The following POLR2F variants were observed in gnomAD, a reference collection of about 807,000 sequenced individuals.
POLR2F encodes RNA polymerase II, I and III subunit F.
POLR2F carries 12 observed loss-of-function variants against 22.7 expected under a neutral mutation model. The ratio of observed to expected loss-of-function variants is 0.53; its 90% CI spans 0.34 to 0.86. The LOEUF is 0.86. Among genes scored for constraint, POLR2F ranks in the 40% least tolerant of loss-of-function variants. POLR2F has a pLI of 0.02. For synonymous variants in POLR2F, 57 were observed against 66.0 expected (o/e 0.86, Z 0.66); for missense variants, 126 against 171.5 (o/e 0.73, Z 1.48).
At chr22:37,995,206 C>T (rs953794652) in intron 1 of POLR2F, among the ~76,000 whole-genome samples, 1 of 152,210 alleles carries the variant, frequency 6.6e-6, no homozygotes, top group African/African-American at 2.4e-5. Context: ...TAGGGCTCTA[C>T]TGAGACAGGC....
chr22:38,025,837 A>T (rs760569518), intron 1 of POLR2F: 1 of 1,287,200 alleles, frequency 7.8e-7, no homozygotes, highest in Non-Finnish European at 1.1e-6. Context: ...CTATGTATGA[A>T]ACTCACTTCA....
At chr22:38,006,138 G>A (rs750072874) in intron 1 of POLR2F, among the ~76,000 whole-genome samples, 7 of 152,092 alleles carry the variant, frequency 4.6e-5, no homozygotes, top group African/African-American at 2.4e-5. Context: ...AACCCAGGAG[G>A]TAGAGGCTGC....
chr22:37,960,880 G>A (rs1157599203), intron 3 of POLR2F, among the ~76,000 whole-genome samples: 3 of 136,706 alleles, frequency 2.2e-5, no homozygotes, highest in South Asian at 2.3e-4. Flanking sequence ...ATGGAGTCTC[G>A]CTCTGTCGCC....
At chr22:37,989,982 C>G (rs899151954) in intron 1 of POLR2F, among the ~76,000 whole-genome samples, 1 of 152,218 alleles carries the variant, frequency 6.6e-6, no homozygotes, top group Non-Finnish European at 1.5e-5. Flanking sequence ...TTCCCTATGA[C>G]TTTCCCTCAG....
intron 1 of POLR2F, among the ~76,000 whole-genome samples, chr22:38,014,704 C>T (rs1395167796): frequency 2.0e-5 from 3 of 151,562 alleles, no homozygotes; most frequent in East Asian, 1.9e-4. Flanking sequence ...AGGATGGTCT[C>T]AATCTCTTGA....
Position 37,978,160 on chromosome 22 carries a change from G to A in POLR2F, c.293+10990G>A. 1.8e-5 allele frequency: 28 copies of A among 1,519,222 alleles called. No homozygotes were observed. Among genetic ancestry groups the A allele is most frequent in the Non-Finnish European group, 2.5e-5 (28 of 1,134,182 alleles). The allele number at this position is 1,519,222 out of a possible 1,614,324, so 94.1% of individuals were successfully genotyped here. A position where few individuals can be genotyped will look rare whatever the true frequency, so the allele number is the denominator to read the frequency against. On this transcript the variant is annotated intron_variant, in intron 4 of 4. Coordinates refer to the POLR2F transcript ENST00000405557. The surrounding 1 kb of genome is among the most constrained non-coding windows in gnomAD (Gnocchi z 5.0). ...CCTGGGGTGTGGTGGGAGGCGGAGA[G>A]GACAGCAGAGGGGCTGGCGTGAATG...
chr22:37,980,854 G>A lies in POLR2F; in HGVS notation c.293+13684G>A, dbSNP rs1325368153. Reference sequence around the variant, plus strand: ...TGCTACCTGTGTCCTGCTAGGCCAGGGGCATAAGAAGACTACTTGGGGAAG... The same window carrying A: ...TGCTACCTGTGTCCTGCTAGGCCAGAGGCATAAGAAGACTACTTGGGGAAG... On this transcript the variant is annotated intron_variant, in intron 4 of 4. Coordinates refer to the POLR2F transcript ENST00000405557. This position sits in a 1 kb window ranked among gnomAD's most constrained non-coding sequence, Gnocchi z 4.1. 6.6e-6 allele frequency among the ~76,000 whole-genome samples: 1 copy of A among 152,238 alleles called. No individual in the cohort carries two copies. Among genetic ancestry groups the A allele is most frequent in the South Asian group, 2.1e-4 (1 of 4,836 alleles).
chr22:37,973,707 G>T, downstream of POLR2F: 1 of 1,606,978 alleles, frequency 6.2e-7, no homozygotes, highest in African/African-American at 1.3e-5. Context: ...AACTGGGGGC[G>T]GGAGATGGAG....
intron 1 of POLR2F, among the ~76,000 whole-genome samples, chr22:37,954,167 A>G (rs1312907639): frequency 1.3e-5 from 2 of 152,070 alleles, no homozygotes; most frequent in African/African-American, 2.4e-5. Flanking sequence ...CCCATAAGTA[A>G]GCAAGCAAGC....
At chr22:37,953,672 C>T, upstream of POLR2F, 2 of 1,308,350 alleles carry the variant, frequency 1.5e-6, no homozygotes, top group Non-Finnish European at 2.1e-6. Context: ...AAGTGATTTC[C>T]TCTGGGTTAC....
At position 37,996,163 on chromosome 22, in the gene POLR2F, G is replaced by A. The variant is rs180936415; in HGVS notation, c.120+9851G>A. ...GTTTAATGGGCAGCCAAGCCCCTGAGGACCTAGGGAAGAGGAGGAGGGGAT... is the reference window on the plus strand; with the variant it reads ...GTTTAATGGGCAGCCAAGCCCCTGAAGACCTAGGGAAGAGGAGGAGGGGAT... On this transcript the variant is annotated intron_variant, in intron 1 of 2. Transcript: ENST00000333418. Among the ~76,000 whole-genome samples the A allele has an allele frequency of 3.4e-4, 52 of 152,296 alleles. 1 individual carries two copies. The East Asian group carries it at 8.5e-3, about 25-fold the overall frequency.
At position 38,011,834 on chromosome 22, in the gene POLR2F, A is replaced by G. The variant is rs571078996; in HGVS notation, c.121-14035A>G. Among the ~76,000 whole-genome samples, 99 of 152,128 alleles carry G rather than the reference A, an allele frequency of 6.5e-4. 1 individual carries two copies. The highest frequency in any genetic ancestry group is 7.5e-4 in the Non-Finnish European group (51 of 68,012). Reference sequence around the variant, plus strand: ...TTTTTCTTTACTGGGATTGAATTAAATCTATAGGACAATGTGGGGAGAATT... The same window carrying G: ...TTTTTCTTTACTGGGATTGAATTAAGTCTATAGGACAATGTGGGGAGAATT... On this transcript the variant is annotated intron_variant, in intron 1 of 2. Coordinates refer to the POLR2F transcript ENST00000333418.
chr22:38,025,681 C>G (rs1310865899), intron 1 of POLR2F: 12 of 1,548,478 alleles, frequency 7.7e-6, no homozygotes, highest in African/African-American at 1.4e-5. Flanking sequence ...TCCCGACAGT[C>G]CTGCTGGGTG....
Position 37,986,368 on chromosome 22 carries a change from T to A in POLR2F, c.120+56T>A. ...GTTCCTCCTCTTTGAGGAAAGGACC[T>A]CCCCGCTCTCTGCTGTGTCTGTGAC... On this transcript the variant is annotated intron_variant, in intron 1 of 2. Coordinates refer to the POLR2F transcript ENST00000333418. This position sits in a 1 kb window ranked among gnomAD's most constrained non-coding sequence, Gnocchi z 4.7. The A allele has an allele frequency of 6.5e-7, 1 of 1,528,294 alleles. No homozygotes were observed. Among genetic ancestry groups the A allele is most frequent in the Non-Finnish European group, 8.7e-7 (1 of 1,142,894 alleles). 94.7% of individuals were successfully genotyped at this position (1,528,294 alleles called of 1,614,324 possible). A position where few individuals can be genotyped will look rare whatever the true frequency, so the allele number is the denominator to read the frequency against.
intron 1 of POLR2F, among the ~76,000 whole-genome samples, chr22:37,994,412 A>T (rs2145791939): frequency 6.6e-6 from 1 of 152,342 alleles, no homozygotes; most frequent in South Asian, 2.1e-4. Flanking sequence ...CAGGGGTGCC[A>T]TCACGGCTCA....
At chr22:38,010,796 T>TACAAAATACAAA (rs2084865481) in intron 1 of POLR2F, among the ~76,000 whole-genome samples, 3 of 152,054 alleles carry the variant, frequency 2.0e-5, no homozygotes, top group Admixed American at 6.6e-5. Context: ...TTTGTATTTT[T>TACAAAATACAAA]ATTAGAGACG....
chr22:37,974,297 G>A (rs1569168028), downstream of POLR2F: 11 of 887,540 alleles, frequency 1.2e-5, no homozygotes, highest in Admixed American at 4.3e-5. This position sits in a 1 kb window ranked among gnomAD's most constrained non-coding sequence, Gnocchi z 5.4. Flanking sequence ...CAGGCAGCGG[G>A]TGCCTCTGGG....
downstream of POLR2F, chr22:37,974,098 G>A (rs750940339): frequency 4.3e-6 from 7 of 1,613,704 alleles, no homozygotes; most frequent in South Asian, 1.1e-5. The surrounding 1 kb of genome is among the most constrained non-coding windows in gnomAD (Gnocchi z 5.4). Flanking sequence ...GAGGCTTCCC[G>A]CCCTCCCCCA....
At chr22:37,970,682 G>A (rs1932024821), downstream of POLR2F, 1 of 154,348 alleles carries the variant, frequency 6.5e-6, no homozygotes, top group South Asian at 1.9e-4. Flanking sequence ...CTGTACACAG[G>A]TGTCCCTCTT....
Sources: gnomAD v4.1 joint callset for allele counts (sites outside exome capture counted in the v4.1 genomes callset) on GRCh38, gnomAD v4.1.1 for gene constraint, Gnocchi (gnomAD v3.1) non-coding constraint, MANE v1.5 for transcripts, NCBI Gene and HGNC (gene_info 2026-07-23, HGNC 2026-07-21) for gene names.